The following WWOX variants were observed in gnomAD, a reference collection of about 807,000 sequenced individuals.
The protein encoded by WWOX is WW domain-containing oxidoreductase.
Under a neutral mutation model 46.2 loss-of-function variants are expected in WWOX, and 69 were observed. The ratio of observed to expected loss-of-function variants is 1.49; its 90% CI spans 1.23 to 1.82. The LOEUF is 1.82. Among genes scored for constraint, WWOX ranks in the 40% most tolerant of loss-of-function variants. The pLI is 0.00. For missense variants in WWOX, 919 were observed against 542.6 expected (o/e 1.69, Z -6.89); for synonymous variants, 359 against 202.6 (o/e 1.77, Z -6.56).
intron 8 of WWOX, among the ~76,000 whole-genome samples, chr16:79,121,878 C>G (rs1223112971): frequency 6.6e-6 from 1 of 152,034 alleles, no homozygotes; most frequent in Non-Finnish European, 1.5e-5. Flanking sequence ...GAAAAGAGGT[C>G]GTGTGTGTGT....
At chr16:78,499,705 A>AT (rs1245223422) in intron 8 of WWOX, among the ~76,000 whole-genome samples, 5 of 151,788 alleles carry the variant, frequency 3.3e-5, no homozygotes, top group Non-Finnish European at 5.9e-5. Flanking sequence ...ACCATGTCTT[A>AT]TTTTTTTTAA....
At chr16:79,008,981 G>A (rs1456609858) in intron 8 of WWOX, among the ~76,000 whole-genome samples, 1 of 152,236 alleles carries the variant, frequency 6.6e-6, no homozygotes. Context: ...TGTGACGCCA[G>A]TGCAATTATC....
intron 8 of WWOX, among the ~76,000 whole-genome samples, chr16:78,581,966 A>G (rs2045067319): frequency 6.6e-6 from 1 of 152,200 alleles, no homozygotes; most frequent in Non-Finnish European, 1.5e-5. Flanking sequence ...AAAATTGACA[A>G]ATATGTCAGG....
In WWOX at chr16:78,297,361, G is replaced by T. The variant is rs184560967; in HGVS notation, c.517-89499G>T. On this transcript the variant is annotated intron_variant, in intron 5 of 8. Coordinates refer to ENST00000566780, the MANE Select transcript of WWOX (RefSeq NM_016373.4). ...ATTTTTCCATTTTCTAGTAATTATGGCATCATGTAGGGAGCCTTCCAACAG... is the reference window on the plus strand; with the variant it reads ...ATTTTTCCATTTTCTAGTAATTATGTCATCATGTAGGGAGCCTTCCAACAG... 3.7e-3 allele frequency among the ~76,000 whole-genome samples: 560 copies of T among 152,200 alleles called. 5 individuals are homozygous for T. The highest frequency in any genetic ancestry group is 5.1e-3 in the Non-Finnish European group (350 of 68,016).
intron 4 of WWOX, among the ~76,000 whole-genome samples, chr16:78,160,870 G>C (rs1459624696): frequency 6.6e-6 from 1 of 152,070 alleles, no homozygotes; most frequent in East Asian, 1.9e-4. Flanking sequence ...TACTAAGAGG[G>C]ATATGTTAAA....
At chr16:78,753,816 AAAAAAAAAAATATAT>A (rs1180084925) in intron 8 of WWOX, among the ~76,000 whole-genome samples, 6 of 87,538 alleles carry the variant, frequency 6.9e-5, no homozygotes, top group African/African-American at 2.6e-4. Context: ...AAAAAAAAAA[AAAAAAAAAAATATAT>A]ATATATATAT....
At position 78,814,954 on chromosome 16, in the gene WWOX, T is replaced by C. The variant is rs61198241; in HGVS notation, c.1056+382202T>C. ...CATAGTTGGCTCTCTTGCCCTTTCT[T>C]CTTCTGGTTGGATTTAGCAATTTAA... is the stretch of plus-strand genomic sequence containing the variant. On this transcript the variant is annotated intron_variant, in intron 8 of 8. Transcript: ENST00000566780. Among the ~76,000 whole-genome samples, 548 of 152,282 alleles carry C rather than the reference T, an allele frequency of 3.6e-3. 4 individuals carry two copies. The highest frequency in any genetic ancestry group is 0.013 in the African/African-American group (529 of 41,568).
intron 8 of WWOX, among the ~76,000 whole-genome samples, chr16:78,577,571 C>T (rs1281327773): frequency 6.6e-6 from 1 of 152,144 alleles, no homozygotes; most frequent in Non-Finnish European, 1.5e-5. Flanking sequence ...CACTTCCTAG[C>T]TTTGGGACGA....
intron 4 of WWOX, among the ~76,000 whole-genome samples, chr16:78,133,866 A>G (rs1040057344): frequency 2.2e-4 from 34 of 152,244 alleles, no homozygotes; most frequent in Non-Finnish European, 2.9e-5. Flanking sequence ...TGAGCTTGCA[A>G]GGGAAGAAAA....
At chr16:78,927,125 A>C (rs1376372370) in intron 8 of WWOX, among the ~76,000 whole-genome samples, 1 of 152,198 alleles carries the variant, frequency 6.6e-6, no homozygotes, top group Non-Finnish European at 1.5e-5. Flanking sequence ...CGAGAAAGTC[A>C]CTGTGATGGT....
chr16:78,514,319 C>T (rs1466507273), intron 8 of WWOX, among the ~76,000 whole-genome samples: 4 of 152,082 alleles, frequency 2.6e-5, no homozygotes, highest in Admixed American at 6.5e-5. Flanking sequence ...CAACAGCTGC[C>T]ATTGAGTGTG....
At chr16:78,305,562 C>T (rs1294048404) in intron 5 of WWOX, among the ~76,000 whole-genome samples, 1 of 152,206 alleles carries the variant, frequency 6.6e-6, no homozygotes, top group South Asian at 2.1e-4. Context: ...AAGCCCCAGA[C>T]CATTCCCGTT....
intron 8 of WWOX, among the ~76,000 whole-genome samples, chr16:78,861,300 C>G (rs1677769227): frequency 6.6e-6 from 1 of 152,238 alleles, no homozygotes; most frequent in Admixed American, 6.5e-5. Flanking sequence ...GTCCATGCAT[C>G]CATCCATCCA....
chr16:78,924,836 T>C (rs542365088), intron 8 of WWOX, among the ~76,000 whole-genome samples: 1 of 152,326 alleles, frequency 6.6e-6, no homozygotes, highest in African/African-American at 2.4e-5. Flanking sequence ...AACATATGTG[T>C]GAAAATGCAT....
intron 8 of WWOX, among the ~76,000 whole-genome samples, chr16:78,594,003 T>G (rs570198617): frequency 1.6e-4 from 24 of 152,262 alleles, no homozygotes; most frequent in Admixed American, 4.6e-4. Flanking sequence ...ACTATTTAAG[T>G]CTCAGTTTCG....
At chr16:79,024,885 C>G (rs1016975255) in intron 8 of WWOX, among the ~76,000 whole-genome samples, 2 of 152,194 alleles carry the variant, frequency 1.3e-5, no homozygotes, top group African/African-American at 4.8e-5. Flanking sequence ...AAATACATTT[C>G]TAAAGAGGAA....
intron 8 of WWOX, among the ~76,000 whole-genome samples, chr16:78,982,936 C>A (rs946668106): frequency 6.6e-6 from 1 of 152,106 alleles, no homozygotes; most frequent in Non-Finnish European, 1.5e-5. Flanking sequence ...TTACCCTGAG[C>A]AGATTGCATA....
intron 8 of WWOX, among the ~76,000 whole-genome samples, chr16:78,723,824 G>T (rs1401540643): frequency 1.3e-5 from 2 of 151,966 alleles, no homozygotes; most frequent in African/African-American, 2.4e-5. Flanking sequence ...AGCAGTTGAT[G>T]TAACAGATAA....
rs1288334069 is a variant in WWOX at position 78,347,808 on chromosome 16, T to C, written c.517-39052T>C. Among the ~76,000 whole-genome samples, 2 of 122,276 alleles carry C rather than the reference T, an allele frequency of 1.6e-5. 1 individual carries two copies. The highest frequency in any genetic ancestry group is 3.9e-5 in the Non-Finnish European group (2 of 51,050). The allele number at this position is 122,276 out of a possible 152,430, so 80.2% of individuals were successfully genotyped here. On this transcript the variant is annotated intron_variant, in intron 5 of 8. Coordinates refer to ENST00000566780, the MANE Select transcript of WWOX (RefSeq NM_016373.4). Reference sequence around the variant, plus strand: ...AATATTTCTAACCTCTGGCCTTTTTTCTTATCTCTACTTAAAGCTTTTCTG... The same window carrying C: ...AATATTTCTAACCTCTGGCCTTTTTCCTTATCTCTACTTAAAGCTTTTCTG...
Sources: gnomAD v4.1 joint callset for allele counts (sites outside exome capture counted in the v4.1 genomes callset) on GRCh38, gnomAD v4.1.1 for gene constraint, MANE v1.5 for transcripts, NCBI Gene and HGNC (gene_info 2026-07-23, HGNC 2026-07-21) for gene names.